MAP3K15: variants seen among roughly 807,000 people sequenced by gnomAD.
The protein encoded by MAP3K15 is mitogen-activated protein kinase kinase kinase 15.
In MAP3K15, 124 loss-of-function variants were observed where a neutral mutation model predicts 99.5. The observed-to-expected ratio is 1.25, with a 90% confidence interval of 1.08 to 1.45. The LOEUF (loss-of-function observed/expected upper bound fraction) is 1.45, where lower values mean the gene tolerates loss of function less well. Ranked by LOEUF, MAP3K15 falls within the 40% of genes most tolerant of loss-of-function variation. The pLI, the probability that MAP3K15 is intolerant of heterozygous loss-of-function variation, is 0.00. For synonymous variants in MAP3K15, 494 were observed against 439.6 expected (o/e 1.12, Z -1.55); for missense variants, 1,242 against 1,079.7 (o/e 1.15, Z -2.11).
At chrX:19,508,225 G>A (rs2064493126) in intron 1 of MAP3K15, among the ~76,000 whole-genome samples, 1 of 111,502 alleles carries the variant, frequency 9.0e-6, no homozygotes, top group Non-Finnish European at 1.9e-5. Flanking sequence ...AGCCTGGAGT[G>A]CAGTGGTGCA....
At chrX:19,402,930 T>G (rs145344929) in intron 13 of MAP3K15, among the ~76,000 whole-genome samples, 2,178 of 112,032 alleles carry the variant, frequency 0.019, 63 homozygotes, top group African/African-American at 0.067. Flanking sequence ...CCTCCCAAAG[T>G]GCTGGGATTA....
rs34487219 is a variant in MAP3K15, at chrX:19,362,857, TAAAA to T, written c.3567-11_3567-8del. On this transcript the variant is annotated splice_region_variant and splice_polypyrimidine_tract_variant and intron_variant, in intron 25 of 28. Coordinates refer to ENST00000338883, the MANE Select transcript of MAP3K15 (RefSeq NM_001001671.4). The stretch of plus-strand genomic sequence containing the variant: ...AACTAGGTGTTCCAAAAGTCTGGTT[TAAAA>T]AAAAAAAAAAAAAGCCATTATCCAG... 1.2e-4 allele frequency: 96 copies of T among 785,801 alleles called. No homozygotes were observed. Among genetic ancestry groups the T allele is most frequent in the African/African-American group, 2.4e-4 (10 of 42,121 alleles). The allele number at this position is 785,801 out of a possible 1,213,427, so 64.8% of individuals were successfully genotyped here. A position where few individuals can be genotyped will look rare whatever the true frequency, so the allele number is the denominator to read the frequency against.
intron 6 of MAP3K15, among the ~76,000 whole-genome samples, chrX:19,456,295 C>T (rs1013871189): frequency 1.8e-5 from 2 of 111,999 alleles, no homozygotes; most frequent in Non-Finnish European, 3.8e-5. Context: ...GACTACGCGA[C>T]GGCAATGAGA....
intron 3 of MAP3K15, among the ~76,000 whole-genome samples, chrX:19,466,425 T>A (rs1347721297): frequency 9.0e-6 from 1 of 110,852 alleles, no homozygotes; most frequent in African/African-American, 3.3e-5. Flanking sequence ...TGATAGTGAG[T>A]GAGTTCTCAT....
chrX:19,390,880 G>A (rs781574954), intron 18 of MAP3K15, among the ~76,000 whole-genome samples: 2 of 110,501 alleles, frequency 1.8e-5, no homozygotes, highest in African/African-American at 6.6e-5. Context: ...TGATCTTTAC[G>A]TTACTCCTTG....
intron 5 of MAP3K15, among the ~76,000 whole-genome samples, chrX:19,457,767 T>G (rs2064104423): frequency 8.9e-6 from 1 of 111,969 alleles, no homozygotes; most frequent in African/African-American, 3.2e-5. Context: ...AAACTAGTGT[T>G]TCTCAACCTT....
At chrX:19,501,513 G>T (rs1345445653) in intron 1 of MAP3K15, among the ~76,000 whole-genome samples, 1 of 111,610 alleles carries the variant, frequency 9.0e-6, no homozygotes, top group Admixed American at 9.6e-5. Flanking sequence ...AATCGTAAGT[G>T]CACTCTATCT....
chrX:19,514,420 A>G (rs1468865576), intron 1 of MAP3K15, among the ~76,000 whole-genome samples: 1 of 96,963 alleles, frequency 1.0e-5, no homozygotes, highest in Non-Finnish European at 2.1e-5. Flanking sequence ...GAAGAATCAA[A>G]GAGTCTAAAT....
intron 3 of MAP3K15, among the ~76,000 whole-genome samples, chrX:19,467,211 G>T (rs1282914476): frequency 9.0e-6 from 1 of 110,641 alleles, no homozygotes; most frequent in African/African-American, 3.3e-5. Context: ...CAGCATTTGG[G>T]CCATAAACTG....
Position 19,392,482 on chromosome X carries a change from A to G in MAP3K15, c.2195-9T>C, listed in dbSNP as rs752004406. On this transcript the variant is annotated splice_polypyrimidine_tract_variant and intron_variant, in intron 16 of 28. Transcript: ENST00000338883. ...AAGAGCAGAAAGGCTTCCTAGAGAC[A>G]GTCACAGCAAAAAACTTATCAGGAA... 2.0e-5 allele frequency: 24 copies of G among 1,196,179 alleles called. No individual in the cohort carries two copies. Among genetic ancestry groups the G allele is most frequent in the Non-Finnish European group, 2.6e-5 (23 of 890,291 alleles).
At chrX:19,388,820 T>C (rs374385361) in intron 18 of MAP3K15, among the ~76,000 whole-genome samples, 1 of 111,912 alleles carries the variant, frequency 8.9e-6, no homozygotes, top group African/African-American at 3.2e-5. Flanking sequence ...AAACACATGT[T>C]CACACACGCT....
intron 7 of MAP3K15, among the ~76,000 whole-genome samples, chrX:19,429,838 G>C (rs2063867452): frequency 1.0e-5 from 1 of 97,337 alleles, no homozygotes; most frequent in African/African-American, 3.6e-5. Context: ...AGTTAGAATT[G>C]AATGAAAGCA....
Position 19,514,993 on chromosome X carries a change from G to A in MAP3K15, c.269C>T (p.Ala90Val), listed in dbSNP as rs780108276. 8 of 1,117,341 alleles carry A rather than the reference G, an allele frequency of 7.2e-6. No individual in the cohort carries two copies. The South Asian group carries it at 1.4e-4, about 20-fold the overall frequency. 92.1% of individuals were successfully genotyped at this position (1,117,341 alleles called of 1,213,427 possible). Residue 90 changes from alanine (A) to valine (V), a missense_variant, in exon 1 of 29, where the codon GCC (alanine) becomes GTC (valine). Coordinates refer to ENST00000338883, the MANE Select transcript of MAP3K15 (RefSeq NM_001001671.4). ...GAGGTGAGCGCCCTCGGCCTCGCAG[G>A]CCCGCAGCAGGCACTGCCGCGCCCC... is the stretch of plus-strand genomic sequence containing the variant. ...EAGARQCLLR[A>V]CEAEGAHLTS...
chrX:19,495,715 A>G (rs1051309266), intron 1 of MAP3K15, among the ~76,000 whole-genome samples: 2 of 112,130 alleles, frequency 1.8e-5, no homozygotes, highest in Non-Finnish European at 3.8e-5. Flanking sequence ...AATATACATT[A>G]TAGCATGAGT....
At chrX:19,369,857 G>A (rs1191515595) in intron 24 of MAP3K15, among the ~76,000 whole-genome samples, 3 of 110,194 alleles carry the variant, frequency 2.7e-5, no homozygotes, top group African/African-American at 9.9e-5. Context: ...TTGCAGTGAG[G>A]CGAGATCGCA....
chrX:19,360,059 T>G lies in MAP3K15; in HGVS notation c.*690A>C. ...AGCCTGTTCGCGCTGACCATTTCTC[T>G]ACAAGATACAATATTTATTATCAGG... On this transcript the variant is annotated 3_prime_UTR_variant, in exon 29 of 29. Transcript: ENST00000338883. 1 of 203,140 alleles carries G rather than the reference T, an allele frequency of 4.9e-6. No homozygotes were observed. Among genetic ancestry groups the G allele is most frequent in the East Asian group, 1.3e-4 (1 of 7,494 alleles). The allele number at this position is 203,140 out of a possible 1,213,427, so 16.7% of individuals were successfully genotyped here.
chrX:19,486,804 C>G (rs1231052649), intron 2 of MAP3K15, among the ~76,000 whole-genome samples: 1 of 111,259 alleles, frequency 9.0e-6, no homozygotes, highest in Non-Finnish European at 1.9e-5. Flanking sequence ...ATGCTTTTGC[C>G]CAAAAGATAT....
intron 6 of MAP3K15, among the ~76,000 whole-genome samples, chrX:19,446,697 C>T (rs1324757358): frequency 9.0e-6 from 1 of 110,673 alleles, no homozygotes; most frequent in Non-Finnish European, 1.9e-5. Flanking sequence ...GGACTGTTCA[C>T]TGTAGTCAGA....
intron 9 of MAP3K15, among the ~76,000 whole-genome samples, chrX:19,418,847 A>T (rs971500921): frequency 1.8e-5 from 2 of 112,288 alleles, no homozygotes; most frequent in Non-Finnish European, 3.8e-5. Flanking sequence ...CTCTCTGCAG[A>T]AACTCTACAA....
Sources: allele counts gnomAD v4.1 joint callset (sites outside exome capture counted in the v4.1 genomes callset), GRCh38; gene constraint gnomAD v4.1.1; transcripts MANE v1.5; gene names NCBI Gene and HGNC (gene_info 2026-07-23, HGNC 2026-07-21).